Variants in C8A observed in about 807,000 individuals in gnomAD.
The protein encoded by C8A is complement component C8 alpha chain.
Under a neutral mutation model 65.3 loss-of-function variants are expected in C8A, and 67 were observed. That is an observed-to-expected ratio of 1.03 (90% CI 0.84 to 1.26). The LOEUF is 1.26. Among genes scored for constraint, C8A ranks in the 50% most tolerant of loss-of-function variants. The probability of loss-of-function intolerance (pLI) is 0.00; values close to 1 mark genes in which losing one functional copy is unlikely to be tolerated. For synonymous variants in C8A, 290 were observed against 259.4 expected (o/e 1.12, Z -1.13); for missense variants, 781 against 723.9 (o/e 1.08, Z -0.90).
chr1:56,909,864 A>G lies in C8A; in HGVS notation c.1380+1751A>G, dbSNP rs191640657. 3.6e-3 allele frequency among the ~76,000 whole-genome samples: 547 copies of G among 152,304 alleles called. 2 individuals carry two copies. Among genetic ancestry groups the G allele is most frequent in the Middle Eastern group, 0.014 (4 of 294 alleles). ...CAGTTGAAGAAACAGGTTCAGCACA[A>G]TATCTCGAAATTGGCAAATGATAGA... On this transcript the variant is annotated intron_variant, in intron 9 of 10. Transcript: ENST00000361249.
intron 7 of C8A, among the ~76,000 whole-genome samples, chr1:56,898,772 G>A (rs145850798): frequency 1.3e-5 from 2 of 152,224 alleles, no homozygotes; most frequent in East Asian, 1.9e-4. Context: ...GAGACTCAGC[G>A]TCTTTCTAGC....
At chr1:56,880,734 A>G (rs1003850198) in intron 4 of C8A, among the ~76,000 whole-genome samples, 6 of 152,218 alleles carry the variant, frequency 3.9e-5, no homozygotes, top group African/African-American at 1.4e-4. Context: ...AATTGCTACA[A>G]TAGCAACCTT....
At chr1:56,913,855 G>A (rs1044904614) in intron 10 of C8A, among the ~76,000 whole-genome samples, 52 of 152,306 alleles carry the variant, frequency 3.4e-4, no homozygotes, top group African/African-American at 1.2e-3. Context: ...GAAGCCATGT[G>A]GCTCAATGGC....
At chr1:56,915,341 C>T (rs1169434202) in intron 10 of C8A, among the ~76,000 whole-genome samples, 1 of 152,140 alleles carries the variant, frequency 6.6e-6, no homozygotes, top group Admixed American at 6.5e-5. Context: ...GACCAACTCC[C>T]AGGGCCAGTT....
chr1:56,915,924 T>C (rs1644547388), intron 10 of C8A, among the ~76,000 whole-genome samples: 1 of 152,222 alleles, frequency 6.6e-6, no homozygotes, highest in Admixed American at 6.5e-5. Context: ...AGTTCATGGT[T>C]ATCAATCTGG....
chr1:56,905,867 G>A (rs918441446), intron 7 of C8A, among the ~76,000 whole-genome samples: 1 of 152,174 alleles, frequency 6.6e-6, no homozygotes, highest in Non-Finnish European at 1.5e-5. Context: ...ATCTTGCCAG[G>A]CATACCTAGG....
intron 9 of C8A, among the ~76,000 whole-genome samples, chr1:56,912,149 T>C (rs545222119): frequency 2.0e-5 from 3 of 152,228 alleles, no homozygotes; most frequent in Non-Finnish European, 2.9e-5. Flanking sequence ...ATCTTCATTA[T>C]TATTTCTTAA....
chr1:56,912,959 C>A (rs879567626), intron 10 of C8A, among the ~76,000 whole-genome samples: 5 of 152,186 alleles, frequency 3.3e-5, no homozygotes, highest in Admixed American at 6.5e-5. Context: ...TGTATTGTTT[C>A]AGACCTCTGG....
Position 56,865,803 on chromosome 1 carries a change from C to T in C8A, c.78-1806C>T, listed in dbSNP as rs139810329. Among the ~76,000 whole-genome samples the T allele has an allele frequency of 1.6e-3, 237 of 152,184 alleles. 1 individual carries two copies. The highest frequency in any genetic ancestry group is 5.2e-3 in the African/African-American group (214 of 41,526). ...AACATATCCACTACCATGAACTTGACGAGATCACTGGTGATATTAACAGGT... is the reference window on the plus strand; with the variant it reads ...AACATATCCACTACCATGAACTTGATGAGATCACTGGTGATATTAACAGGT... On this transcript the variant is annotated intron_variant, in intron 1 of 10. Coordinates refer to ENST00000361249, the MANE Select transcript of C8A (RefSeq NM_000562.3).
intron 7 of C8A, among the ~76,000 whole-genome samples, chr1:56,895,055 C>T (rs1242078497): frequency 6.6e-6 from 1 of 152,070 alleles, no homozygotes; most frequent in Non-Finnish European, 1.5e-5. Flanking sequence ...TTATTTTCCC[C>T]AGTTTTATAG....
At chr1:56,913,867 A>G (rs1053113296) in intron 10 of C8A, among the ~76,000 whole-genome samples, 2 of 152,206 alleles carry the variant, frequency 1.3e-5, no homozygotes, top group Non-Finnish European at 2.9e-5. Context: ...CTCAATGGCC[A>G]TGTGAAAGAA....
At chr1:56,896,571 C>T (rs570584070) in intron 7 of C8A, among the ~76,000 whole-genome samples, 116 of 152,266 alleles carry the variant, frequency 7.6e-4, no homozygotes, top group Middle Eastern at 3.4e-3. Flanking sequence ...GCATGAGGCC[C>T]ATGCACATTA....
chr1:56,878,052 G>C (rs1644215129), intron 4 of C8A, among the ~76,000 whole-genome samples: 1 of 152,124 alleles, frequency 6.6e-6, no homozygotes, highest in Non-Finnish European at 1.5e-5. Flanking sequence ...CTGAAGTCAG[G>C]GTGTCAGCAG....
intron 4 of C8A, among the ~76,000 whole-genome samples, chr1:56,879,471 C>A (rs1032494766): frequency 6.6e-6 from 1 of 152,060 alleles, no homozygotes; most frequent in Non-Finnish European, 1.5e-5. Flanking sequence ...TAGGGATTAC[C>A]GTTTCTTTGA....
At chr1:56,859,024 G>A (rs925539684) in intron 1 of C8A, among the ~76,000 whole-genome samples, 4 of 152,194 alleles carry the variant, frequency 2.6e-5, no homozygotes, top group African/African-American at 4.8e-5. Flanking sequence ...TACATGGTAA[G>A]CCTTTAGAAA....
chr1:56,912,748 A>G, intron 10 of C8A, 123 bp downstream of exon 10: 3 of 801,824 alleles, frequency 3.7e-6, no homozygotes, highest in Non-Finnish European at 6.4e-6. Context: ...CCTAGGAGCC[A>G]CCCTTGAGAG....
chr1:56,917,822 TTTTTC>T lies in C8A; in HGVS notation c.*110_*114del. The T allele has an allele frequency of 7.2e-7, 1 of 1,392,360 alleles. No homozygotes were observed. The highest frequency in any genetic ancestry group is 1.2e-5 in the South Asian group (1 of 80,904). The allele number at this position is 1,392,360 out of a possible 1,614,324, so 86.3% of individuals were successfully genotyped here. On this transcript the variant is annotated 3_prime_UTR_variant, in exon 11 of 11. Coordinates refer to ENST00000361249, the MANE Select transcript of C8A (RefSeq NM_000562.3). ...AAGAGAAGATGCAAATCAGCACACT[TTTTTC>T]TTTGTTCTGCCAGCTTCCAGGCCTA...
At chr1:56,892,912 T>C (rs1033666946) in intron 7 of C8A, among the ~76,000 whole-genome samples, 1 of 152,114 alleles carries the variant, frequency 6.6e-6, no homozygotes, top group Non-Finnish European at 1.5e-5. Flanking sequence ...CTGCATAGAA[T>C]AGAAAGTTAA....
At chr1:56,855,013 G>A (rs759920430) in intron 1 of C8A, 35 bp downstream of exon 1, 10 of 1,510,254 alleles carry the variant, frequency 6.6e-6, no homozygotes, top group Non-Finnish European at 8.3e-6. Flanking sequence ...AAACTTGCAC[G>A]TAGGAATCAC....
Sources: allele counts gnomAD v4.1 joint callset (sites outside exome capture counted in the v4.1 genomes callset), GRCh38; gene constraint gnomAD v4.1.1; transcripts MANE v1.5; gene names NCBI Gene and HGNC (gene_info 2026-07-23, HGNC 2026-07-21).